The following SH3BP5 variants were observed in gnomAD, a reference collection of about 807,000 sequenced individuals.
The protein encoded by SH3BP5 is SH3 domain binding protein 5.
A neutral mutation model predicts 43.3 loss-of-function variants in SH3BP5; 22 were observed. The ratio of observed to expected loss-of-function variants is 0.51; its 90% CI spans 0.36 to 0.73. The LOEUF is 0.73. Ranked by LOEUF, SH3BP5 falls within the 30% of genes least tolerant of loss-of-function variation. The probability of loss-of-function intolerance (pLI) is 0.00; values close to 1 mark genes in which losing one functional copy is unlikely to be tolerated. For missense variants in SH3BP5, 529 were observed against 586.9 expected (o/e 0.90, Z 1.02); for synonymous variants, 255 against 225.8 (o/e 1.13, Z -1.16).
chr3:15,268,793 G>T (rs1696714610), intron 4 of SH3BP5, among the ~76,000 whole-genome samples: 1 of 152,108 alleles, frequency 6.6e-6, no homozygotes, highest in Non-Finnish European at 1.5e-5. Flanking sequence ...CTGGAGATAG[G>T]GCCTTTGGGA....
upstream of SH3BP5, among the ~76,000 whole-genome samples, chr3:15,334,780 A>G (rs1698681782): frequency 6.6e-6 from 1 of 151,536 alleles, no homozygotes; most frequent in African/African-American, 2.4e-5. Flanking sequence ...GTGAAACACC[A>G]TCTCTACAAA....
At chr3:15,303,882 G>A (rs1483117234) in intron 3 of SH3BP5, among the ~76,000 whole-genome samples, 3 of 152,090 alleles carry the variant, frequency 2.0e-5, no homozygotes, top group Admixed American at 2.0e-4. Context: ...ACCAACTCAG[G>A]GAGAGCACCC....
At chr3:15,259,930 T>C in intron 5 of SH3BP5, 127 bp from the exon 6 acceptor site, 5 of 817,690 alleles carry the variant, frequency 6.1e-6, no homozygotes, top group Non-Finnish European at 1.0e-5. Context: ...AGTAAACTCT[T>C]AACAAGGCCG....
chr3:15,264,960 G>C (rs1440335332), intron 4 of SH3BP5, among the ~76,000 whole-genome samples: 1 of 151,964 alleles, frequency 6.6e-6, no homozygotes, highest in African/African-American at 2.4e-5. Context: ...TGTAATTTGA[G>C]GGTCCTGTAC....
intron 3 of SH3BP5, among the ~76,000 whole-genome samples, chr3:15,299,576 C>T (rs1421497929): frequency 6.8e-6 from 1 of 147,956 alleles, no homozygotes; most frequent in Non-Finnish European, 1.5e-5. Flanking sequence ...TCACTGCAGC[C>T]TTGAACTTCT....
intron 2 of SH3BP5, among the ~76,000 whole-genome samples, chr3:15,320,633 C>CACACACACACACACACAT (rs1698301213): frequency 6.6e-6 from 1 of 150,954 alleles, no homozygotes; most frequent in African/African-American, 2.5e-5. Flanking sequence ...CACACACACA[C>CACACACACACACACACAT]ACACACACCC....
intron 3 of SH3BP5, chr3:15,273,406 C>T: frequency 2.0e-6 from 2 of 985,388 alleles, no homozygotes; most frequent in Non-Finnish European, 2.4e-6. Flanking sequence ...AACCAGATCT[C>T]TACAAAGGAA....
chr3:15,304,631 A>G (rs1281288719), intron 2 of SH3BP5, among the ~76,000 whole-genome samples: 2 of 147,832 alleles, frequency 1.4e-5, no homozygotes, highest in Admixed American at 6.8e-5. Flanking sequence ...CCTGGCCAAC[A>G]TGGCAAAACC....
chr3:15,265,559 C>CACACACACACACACACA (rs1285577992), intron 4 of SH3BP5, among the ~76,000 whole-genome samples: 1 of 142,820 alleles, frequency 7.0e-6, no homozygotes, highest in African/African-American at 2.6e-5. Flanking sequence ...CACACACACA[C>CACACACACACACACACA]AACCCTCCAG....
At position 15,256,009 on chromosome 3, in the gene SH3BP5, T is replaced by A; in HGVS notation, c.*77A>T. ...TAGACGTGTAAGATTTGGCATATAT[T>A]AAATGATTATTGGCACAATGTTCTC... On this transcript the variant is annotated 3_prime_UTR_variant, in exon 9 of 9. Transcript: ENST00000383791. The A allele has an allele frequency of 3.3e-6, 4 of 1,208,312 alleles. No homozygotes were observed. Among genetic ancestry groups the A allele is most frequent in the East Asian group, 2.3e-5 (1 of 42,704 alleles). 74.8% of individuals were successfully genotyped at this position (1,208,312 alleles called of 1,614,324 possible).
intron 6 of SH3BP5, chr3:15,259,420 A>G (rs889218790): frequency 2.7e-5 from 14 of 518,052 alleles, no homozygotes; most frequent in African/African-American, 2.1e-4. Context: ...GTTAAGACTC[A>G]GCTCACTAGA....
intron 3 of SH3BP5, among the ~76,000 whole-genome samples, chr3:15,293,843 C>T (rs1433552259): frequency 6.6e-6 from 1 of 151,942 alleles, no homozygotes; most frequent in Admixed American, 6.5e-5. Flanking sequence ...TTTGGGAGGC[C>T]GAGGCAGGCG....
At chr3:15,306,180 C>T (rs570954880) in intron 2 of SH3BP5, among the ~76,000 whole-genome samples, 3 of 151,610 alleles carry the variant, frequency 2.0e-5, no homozygotes, top group Admixed American at 1.3e-4. Context: ...CAAGGTGAAA[C>T]CCCATCTCTA....
chr3:15,339,262 T>C (rs1698735736), intron 1 of SH3BP5, among the ~76,000 whole-genome samples: 1 of 152,034 alleles, frequency 6.6e-6, no homozygotes, highest in Non-Finnish European at 1.5e-5. Flanking sequence ...TATTTGTGTC[T>C]AAATTGAATT....
At chr3:15,265,503 G>A (rs550189255) in intron 4 of SH3BP5, among the ~76,000 whole-genome samples, 9 of 80,282 alleles carry the variant, frequency 1.1e-4, no homozygotes, top group South Asian at 3.4e-4. Context: ...GCTACAGGGC[G>A]AGACTCCGTC....
chr3:15,336,716 A>T (rs116340449), upstream of SH3BP5, among the ~76,000 whole-genome samples: 5 of 152,178 alleles, frequency 3.3e-5, no homozygotes, highest in African/African-American at 1.2e-4. Flanking sequence ...CAGTGAACCC[A>T]GTCAGCAAGG....
At chr3:15,294,092 A>G (rs1380069519) in intron 3 of SH3BP5, among the ~76,000 whole-genome samples, 6 of 151,448 alleles carry the variant, frequency 4.0e-5, no homozygotes, top group African/African-American at 7.3e-5. Context: ...AAAAAAAAAA[A>G]AAAGAAAAGA....
At chr3:15,301,945 C>A (rs576284155) in intron 3 of SH3BP5, among the ~76,000 whole-genome samples, 1 of 152,162 alleles carries the variant, frequency 6.6e-6, no homozygotes, top group Non-Finnish European at 1.5e-5. Context: ...TTCAATCACT[C>A]TGCAGCATGG....
Position 15,332,309 on chromosome 3 carries a change from C to T in SH3BP5, c.100G>A (p.Gly34Arg). The T allele has an allele frequency of 6.5e-7, 1 of 1,547,742 alleles. No homozygotes were observed. Among genetic ancestry groups the T allele is most frequent in the Non-Finnish European group, 8.7e-7 (1 of 1,149,132 alleles). ...EEEEEEGMEQ[G>R]LEEEEEVDPR... ...TCCACCTCTTCTTCCTCCTCCAGCC[C>T]CTGCTCCATCCCCTCTTCCTCCTCC... The change falls in exon 1 of 9, where the codon GGG becomes AGG. Residue 34 changes from glycine to arginine, a missense_variant. By Grantham distance (125) the Gly-to-Arg change is moderately radical (BLOSUM62 -2). Transcript: ENST00000383791.
Sources: gnomAD v4.1 joint callset for allele counts (sites outside exome capture counted in the v4.1 genomes callset) on GRCh38, gnomAD v4.1.1 for gene constraint, MANE v1.5 for transcripts, NCBI Gene and HGNC (gene_info 2026-07-23, HGNC 2026-07-21) for gene names.